NCAPD3: variants seen among roughly 807,000 people sequenced by gnomAD.
The protein encoded by NCAPD3 is non-SMC condensin II complex subunit D3.
A neutral mutation model predicts 182.9 loss-of-function variants in NCAPD3; 105 were observed. That is an observed-to-expected ratio of 0.57 (90% CI 0.49 to 0.68). The LOEUF (loss-of-function observed/expected upper bound fraction) is 0.68, where lower values mean the gene tolerates loss of function less well. NCAPD3 is among the 30% of genes least tolerant of loss of function. The probability of loss-of-function intolerance (pLI) is 0.00; values close to 1 mark genes in which losing one functional copy is unlikely to be tolerated. For missense variants in NCAPD3, 1,944 were observed against 1,837.0 expected, an observed-to-expected ratio of 1.06 and a Z score of -1.07; for synonymous variants, 815 against 679.9, an observed-to-expected ratio of 1.20 and a Z score of -3.09.
intron 16 of NCAPD3, among the ~76,000 whole-genome samples, chr11:134,190,313 T>C (rs1415673330): frequency 6.6e-6 from 1 of 152,260 alleles, no homozygotes; most frequent in Non-Finnish European, 1.5e-5. Flanking sequence ...TACTTTTTTA[T>C]ATTTTAGCTT....
Position 134,153,280 on chromosome 11 carries a change from A to G in NCAPD3, c.4327+9T>C. 1.2e-6 allele frequency: 2 copies of G among 1,614,152 alleles called. No homozygotes were observed. The highest frequency in any genetic ancestry group is 1.7e-6 in the Non-Finnish European group (2 of 1,179,974). On this transcript the variant is annotated intron_variant, in intron 33 of 34. Coordinates refer to ENST00000534548, the MANE Select transcript of NCAPD3 (RefSeq NM_015261.3). ...CATCTATCAGCCCAGAAGGACACCA[A>G]GAACTTGCCTTTGGCTGACGACGGA...
chr11:134,179,282 T>C (rs953324453), intron 20 of NCAPD3, among the ~76,000 whole-genome samples: 1 of 152,228 alleles, frequency 6.6e-6, no homozygotes, highest in Non-Finnish European at 1.5e-5. Flanking sequence ...AGAGACACCA[T>C]TATTGTTTTT....
Position 134,153,070 on chromosome 11 carries a change from G to A in NCAPD3, c.4389-18C>T. 2.5e-6 allele frequency: 4 copies of A among 1,610,474 alleles called. No homozygotes were observed. The highest frequency in any genetic ancestry group is 3.4e-6 in the Non-Finnish European group (4 of 1,177,178). ...GTGGGGGCCTAGGGAAAGGACATGT[G>A]CAGTCATTCTGGAACTCAGAAAAAC... is the stretch of plus-strand genomic sequence containing the variant. On this transcript the variant is annotated intron_variant, in intron 34 of 34. Transcript: ENST00000534548.
At chr11:134,176,059 C>T (rs891656487) in intron 24 of NCAPD3, among the ~76,000 whole-genome samples, 4 of 151,958 alleles carry the variant, frequency 2.6e-5, no homozygotes, top group Admixed American at 2.6e-4. Flanking sequence ...ACAGCAAACA[C>T]TGTCAGCAAG....
At chr11:134,189,918 T>C (rs1944489136) in intron 16 of NCAPD3, among the ~76,000 whole-genome samples, 2 of 152,348 alleles carry the variant, frequency 1.3e-5, no homozygotes, top group East Asian at 1.9e-4. Context: ...TTTCTGGTAA[T>C]TTTATTTTAG....
In NCAPD3 at chr11:134,194,671, T is replaced by G; in HGVS notation, c.1683A>C (p.Ala561=). ...RDEKTNVRKS[A]LQVLVSILKH... ...GTGCAGAGAAAACTCCCACCTGCAG[T>G]GCAGACTTCCTAACGTTGGTCTTCT... Residue 561 remains alanine (A), a synonymous_variant, in exon 14 of 35, where the codon GCA becomes GCC. Coordinates refer to ENST00000534548, the MANE Select transcript of NCAPD3 (RefSeq NM_015261.3). 1 of 1,600,030 alleles carries G rather than the reference T, an allele frequency of 6.2e-7. No individual in the cohort carries two copies. The highest frequency in any genetic ancestry group is 2.3e-5 in the East Asian group (1 of 44,340).
intron 6 of NCAPD3, 76 bp from the exon 7 acceptor site, chr11:134,209,027 T>G: frequency 6.9e-7 from 1 of 1,455,638 alleles, no homozygotes; most frequent in Non-Finnish European, 9.5e-7. Flanking sequence ...CAAGCCATGT[T>G]TAAATGAATA....
chr11:134,178,707 C>T lies in NCAPD3; in HGVS notation c.2709G>A (p.Ala903=), dbSNP rs781447868. 103 of 1,603,416 alleles carry T rather than the reference C, an allele frequency of 6.4e-5. 4 individuals carry two copies. The Admixed American group carries it at 1.1e-3, about 17-fold the overall frequency. ...CTCTGACCTGGGGGGGTGGCTGAGA[C>T]GCTGGGGCCTCACTGCTGCCTTGAG... is the stretch of plus-strand genomic sequence containing the variant. The part of the protein sequence containing the change: ...PSSQGSSEAP[A]SQPPPQVRGS... The change falls in exon 22 of 35, where the codon GCG becomes GCA. Residue 903 remains alanine (A), a synonymous_variant. Transcript: ENST00000534548.
At chr11:134,191,017 AC>A (rs1366528553) in intron 16 of NCAPD3, among the ~76,000 whole-genome samples, 1 of 152,126 alleles carries the variant, frequency 6.6e-6, no homozygotes, top group Non-Finnish European at 1.5e-5. Flanking sequence ...TTATTCCTCT[AC>A]TTCTCCATAC....
chr11:134,168,899 C>G lies in NCAPD3; in HGVS notation c.3239+18G>C, dbSNP rs751694821. 1.2e-6 allele frequency: 2 copies of G among 1,608,384 alleles called. No homozygotes were observed. The highest frequency in any genetic ancestry group is 3.4e-5 in the Admixed American group (2 of 59,680). ...CTTACCCAGATACAAGGAGACCAGA[C>G]TTAGCTGCTTCACTGACCTCTCTGA... On this transcript the variant is annotated intron_variant, in intron 25 of 34. Coordinates refer to ENST00000534548, the MANE Select transcript of NCAPD3 (RefSeq NM_015261.3).
chr11:134,185,001 C>G lies in NCAPD3; in HGVS notation c.2238-1G>C. On this transcript the variant is annotated splice_acceptor_variant, in intron 17 of 34. Transcript: ENST00000534548. LOFTEE classifies it high-confidence loss of function. ...GGTGTTTGAATTGGGATTCTGCTGACTAGAGAAAGGGCAGGAGGAATATGA... is the reference window on the plus strand; with the variant it reads ...GGTGTTTGAATTGGGATTCTGCTGAGTAGAGAAAGGGCAGGAGGAATATGA... The G allele has an allele frequency of 6.2e-7, 1 of 1,605,146 alleles. No individual in the cohort carries two copies.
In NCAPD3 at chr11:134,215,617, T is replaced by C. The variant is rs115922889; in HGVS notation, c.382+1319A>G. ...TGCAAGAGTTGCGCACCAAAAATTATAGAGCATTATTGAAACAAATTAAAG... is the reference window on the plus strand; with the variant it reads ...TGCAAGAGTTGCGCACCAAAAATTACAGAGCATTATTGAAACAAATTAAAG... On this transcript the variant is annotated intron_variant, in intron 3 of 34. Coordinates refer to ENST00000534548, the MANE Select transcript of NCAPD3 (RefSeq NM_015261.3). 4.4e-3 allele frequency among the ~76,000 whole-genome samples: 667 copies of C among 152,274 alleles called. 4 individuals are homozygous for C. Among genetic ancestry groups the C allele is most frequent in the African/African-American group, 0.015 (611 of 41,546 alleles).
chr11:134,218,089 C>A (rs1305835181), intron 2 of NCAPD3, among the ~76,000 whole-genome samples: 2 of 123,406 alleles, frequency 1.6e-5, no homozygotes, highest in Non-Finnish European at 3.2e-5. Context: ...CAGAGCAAGA[C>A]CCTGGTCTCA....
intron 27 of NCAPD3, among the ~76,000 whole-genome samples, chr11:134,163,814 G>A (rs1943668039): frequency 6.8e-6 from 1 of 146,322 alleles, no homozygotes; most frequent in Non-Finnish European, 1.5e-5. Flanking sequence ...GGAGCTTGCA[G>A]TGAGCTGAGA....
intron 14 of NCAPD3, 132 bp from the exon 15 acceptor site, chr11:134,194,282 C>G: frequency 1.2e-6 from 1 of 868,578 alleles, no homozygotes; most frequent in South Asian, 2.2e-5. Context: ...CAACCTTCCT[C>G]CTCACAACAT....
intron 15 of NCAPD3, among the ~76,000 whole-genome samples, 156 bp downstream of exon 15, chr11:134,193,860 T>C (rs920875100): frequency 1.3e-5 from 2 of 152,240 alleles, no homozygotes; most frequent in Admixed American, 6.5e-5. Context: ...TCACACATAA[T>C]TCAAAAATAC....
Position 134,162,828 on chromosome 11 carries a change from C to G in NCAPD3, c.3574-937G>C, listed in dbSNP as rs548196148. ...CAAAATGAAGCTAAGCATCCCTGCCCTCCAGCCACTTCTAGAAAGTGTGTG... is the reference window on the plus strand; with the variant it reads ...CAAAATGAAGCTAAGCATCCCTGCCGTCCAGCCACTTCTAGAAAGTGTGTG... On this transcript the variant is annotated intron_variant, in intron 27 of 34. Transcript: ENST00000534548. 4.6e-5 allele frequency among the ~76,000 whole-genome samples: 7 copies of G among 152,332 alleles called. No homozygotes were observed. In the South Asian group the frequency reaches 1.5e-3, roughly 32 times the overall value.
In NCAPD3 at chr11:134,206,519, A is replaced by G. The variant is rs1937618802; in HGVS notation, c.1016+80T>C. ...ATCAGGCCAGAAATTTTAAGTCTAC[A>G]TGTATCAGAAATCTTAGTGCAGGGC... On this transcript the variant is annotated intron_variant, in intron 8 of 34. Transcript: ENST00000534548. The G allele has an allele frequency of 1.1e-5, 17 of 1,554,242 alleles. No homozygotes were observed. The South Asian group carries it at 1.9e-4, about 17-fold the overall frequency.
chr11:134,209,015 T>C (rs751810964), intron 6 of NCAPD3, 64 bp from the exon 7 acceptor site: 1 of 1,470,198 alleles, frequency 6.8e-7, no homozygotes, highest in Admixed American at 1.8e-5. Context: ...TTCTTAGTCC[T>C]ACAAGCCATG....
Sources: allele counts gnomAD v4.1 joint callset (sites outside exome capture counted in the v4.1 genomes callset), GRCh38; gene constraint gnomAD v4.1.1; transcripts MANE v1.5; gene names NCBI Gene and HGNC (gene_info 2026-07-23, HGNC 2026-07-21).